The following ITIH5 variants were observed in gnomAD, a reference collection of about 807,000 sequenced individuals.
ITIH5 encodes inter-alpha-trypsin inhibitor heavy chain 5.
Under a neutral mutation model 77.5 loss-of-function variants are expected in ITIH5, and 65 were observed. The ratio of observed to expected loss-of-function variants is 0.84; its 90% CI spans 0.69 to 1.03. ITIH5 has a LOEUF of 1.03. ITIH5 is among the 50% of genes least tolerant of loss of function. The pLI is 0.00. For missense variants in ITIH5, 1,208 were observed against 1,213.1 expected (o/e 1.00, Z 0.06); for synonymous variants, 525 against 494.3 (o/e 1.06, Z -0.82).
At chr10:7,629,491 TAGCGTGTGTCCATGTTGC>T (rs1413692303) in intron 5 of ITIH5, among the ~76,000 whole-genome samples, 4 of 132,700 alleles carry the variant, frequency 3.0e-5, no homozygotes, top group Non-Finnish European at 6.2e-5. Context: ...GTCCATGTTG[TAGCGTGTGTCCATGTTGC>T]AGCGTGTGTC....
chr10:7,603,204 T>C (rs1374138873), intron 7 of ITIH5, among the ~76,000 whole-genome samples: 1 of 152,222 alleles, frequency 6.6e-6, no homozygotes, highest in Admixed American at 6.5e-5. Flanking sequence ...AATGAAATAC[T>C]ATTCAGCAAT....
intron 9 of ITIH5, among the ~76,000 whole-genome samples, 188 bp from the exon 10 acceptor site, chr10:7,577,200 G>T (rs1832444148): frequency 6.6e-6 from 1 of 152,168 alleles, no homozygotes; most frequent in African/African-American, 2.4e-5. Context: ...CACCATTGGT[G>T]AGAGGGAATG....
At chr10:7,572,617 G>T (rs1290857958) in intron 11 of ITIH5, among the ~76,000 whole-genome samples, 1 of 152,070 alleles carries the variant, frequency 6.6e-6, no homozygotes, top group Admixed American at 6.6e-5. Context: ...CGGGTTTCCT[G>T]CCAGGCTTCC....
chr10:7,590,584 G>T (rs992544124), intron 7 of ITIH5, among the ~76,000 whole-genome samples: 1 of 152,104 alleles, frequency 6.6e-6, no homozygotes, highest in South Asian at 2.1e-4. Context: ...TATCATATAC[G>T]GTTTTCATGT....
At chr10:7,656,456 C>G (rs1834183572) in intron 1 of ITIH5, among the ~76,000 whole-genome samples, 1 of 152,118 alleles carries the variant, frequency 6.6e-6, no homozygotes, top group Admixed American at 6.5e-5. Context: ...TTCAAGCGAA[C>G]TTCTCACCTC....
At chr10:7,653,294 C>A (rs1834130204) in intron 2 of ITIH5, among the ~76,000 whole-genome samples, 1 of 152,172 alleles carries the variant, frequency 6.6e-6, no homozygotes, top group African/African-American at 2.4e-5. Flanking sequence ...GCAACCTATG[C>A]CTCCTGGGTT....
intron 9 of ITIH5, among the ~76,000 whole-genome samples, chr10:7,578,020 T>G (rs1409557995): frequency 6.6e-6 from 1 of 152,210 alleles, no homozygotes; most frequent in Non-Finnish European, 1.5e-5. Context: ...TTCTCAATAT[T>G]TGCTTACAAT....
intron 2 of ITIH5, among the ~76,000 whole-genome samples, chr10:7,645,174 G>T (rs76856358): frequency 1.3e-5 from 2 of 151,884 alleles, no homozygotes; most frequent in East Asian, 3.9e-4. Context: ...TAACGAAAAC[G>T]TTAGGGGGAT....
intron 5 of ITIH5, among the ~76,000 whole-genome samples, chr10:7,628,701 GCGTGTGTCC>G (rs1480534116): frequency 1.5e-5 from 2 of 136,222 alleles, no homozygotes; most frequent in African/African-American, 5.3e-5. Context: ...CCATGTTGCA[GCGTGTGTCC>G]ATGTTGTAGC....
chr10:7,640,455 C>T (rs1435327483), intron 4 of ITIH5, among the ~76,000 whole-genome samples: 1 of 120,684 alleles, frequency 8.3e-6, no homozygotes, highest in Admixed American at 9.7e-5. Context: ...CCAGCCTGGG[C>T]AAAGAGTGAG....
chr10:7,640,092 C>T (rs1326810713), intron 4 of ITIH5, among the ~76,000 whole-genome samples: 1 of 84,838 alleles, frequency 1.2e-5, no homozygotes, highest in Non-Finnish European at 2.3e-5. Flanking sequence ...TTATTTTTAT[C>T]AAAAAAAATT....
intron 7 of ITIH5, among the ~76,000 whole-genome samples, chr10:7,612,161 G>T (rs1833259212): frequency 6.6e-6 from 1 of 152,150 alleles, no homozygotes; most frequent in African/African-American, 2.4e-5. Context: ...TCTACATGAA[G>T]ACAGTCATCC....
chr10:7,569,635 T>A (rs1314504435), intron 12 of ITIH5, 33 bp downstream of exon 12: 3 of 1,434,466 alleles, frequency 2.1e-6, no homozygotes, highest in Admixed American at 1.9e-5. Flanking sequence ...ACCTGGTCCT[T>A]GCCCAGATGC....
intron 7 of ITIH5, among the ~76,000 whole-genome samples, chr10:7,601,600 G>C (rs560433829): frequency 6.6e-6 from 1 of 151,978 alleles, no homozygotes. Flanking sequence ...AGCTCATATC[G>C]CCAACCTCTG....
At chr10:7,626,919 C>G (rs1311109796) in intron 5 of ITIH5, among the ~76,000 whole-genome samples, 3 of 152,164 alleles carry the variant, frequency 2.0e-5, no homozygotes, top group African/African-American at 7.2e-5. Context: ...CAAGATCTGG[C>G]AAAATTTACC....
At chr10:7,634,369 A>G (rs752173164) in intron 5 of ITIH5, among the ~76,000 whole-genome samples, 3 of 152,184 alleles carry the variant, frequency 2.0e-5, no homozygotes, top group Non-Finnish European at 4.4e-5. Flanking sequence ...TGCAGGAACA[A>G]TAACCGCTGA....
intron 8 of ITIH5, among the ~76,000 whole-genome samples, chr10:7,581,721 CTTTTT>C (rs142992412): frequency 0.025 from 2,510 of 101,712 alleles, 78 homozygotes; most frequent in African/African-American, 0.084. Context: ...TCTTTTCCTT[CTTTTT>C]TTTTTTTTTT....
chr10:7,561,805 T>G lies in ITIH5; in HGVS notation c.*1278A>C, dbSNP rs1378798691. On this transcript the variant is annotated 3_prime_UTR_variant, in exon 14 of 14. Transcript: ENST00000397146. ...CAAGCCCCGTGGAAGAAGCCTCTTG[T>G]GAGGCCAGCCCCAGAGCCTTGAACT... is the stretch of plus-strand genomic sequence containing the variant. 2.6e-5 allele frequency: 4 copies of G among 152,234 alleles called. No individual in the cohort carries two copies. The highest frequency in any genetic ancestry group is 5.9e-5 in the Non-Finnish European group (4 of 68,052). 9.4% of individuals were successfully genotyped at this position (152,234 alleles called of 1,614,324 possible). A position where few individuals can be genotyped will look rare whatever the true frequency, so the allele number is the denominator to read the frequency against.
intron 7 of ITIH5, among the ~76,000 whole-genome samples, chr10:7,601,695 C>T (rs549160355): frequency 9.2e-4 from 140 of 152,130 alleles, no homozygotes; most frequent in African/African-American, 2.9e-3. Context: ...CACACAGGGC[C>T]GACGGCCATC....
Sources: allele counts gnomAD v4.1 joint callset (sites outside exome capture counted in the v4.1 genomes callset), GRCh38; gene constraint gnomAD v4.1.1; transcripts MANE v1.5; gene names NCBI Gene and HGNC (gene_info 2026-07-23, HGNC 2026-07-21).